B3GALT1: variants seen among roughly 807,000 people sequenced by gnomAD.
The protein encoded by B3GALT1 is UDP-Gal:betaGlcNAc beta 1,3-galactosyltransferase, polypeptide 1.
In B3GALT1, 10 loss-of-function variants were observed where a neutral mutation model predicts 23.2. The ratio of observed to expected loss-of-function variants is 0.43; its 90% CI spans 0.27 to 0.73. The LOEUF (loss-of-function observed/expected upper bound fraction) is 0.73. Ranked by LOEUF, B3GALT1 falls within the 30% of genes least tolerant of loss-of-function variation. The probability of loss-of-function intolerance (pLI) is 0.21; values close to 1 mark genes in which losing one functional copy is unlikely to be tolerated. For missense variants in B3GALT1, 299 were observed against 405.4 expected, an observed-to-expected ratio of 0.74 and a Z score of 2.25; for synonymous variants, 156 against 141.5, an observed-to-expected ratio of 1.10 and a Z score of -0.73.
rs567362618 is a variant in B3GALT1 at position 167,564,990 on chromosome 2, T to G, written c.-410+74713T>G. Among the ~76,000 whole-genome samples, 504 of 152,218 alleles carry G rather than the reference T, an allele frequency of 3.3e-3. 2 individuals are homozygous for G. Among genetic ancestry groups the G allele is most frequent in the Non-Finnish European group, 3.6e-3 (247 of 68,006 alleles). On this transcript the variant is annotated intron_variant, in intron 2 of 4. Coordinates refer to ENST00000392690, the MANE Select transcript of B3GALT1 (RefSeq NM_020981.4). ...CAAGCTACCAATGACTTTCTTCACA[T>G]AATTGGAAAAAACTACTTTAAATTT...
intron 1 of B3GALT1, among the ~76,000 whole-genome samples, chr2:167,400,222 G>A (rs1347009846): frequency 6.7e-6 from 1 of 150,326 alleles, no homozygotes; most frequent in Admixed American, 6.6e-5. Context: ...GTTAGAACAG[G>A]CCTTTCCTCA....
chr2:167,771,311 C>T (rs1463095114), intron 3 of B3GALT1, among the ~76,000 whole-genome samples: 2 of 152,216 alleles, frequency 1.3e-5, no homozygotes, highest in South Asian at 2.1e-4. Flanking sequence ...TCAAGTAGGC[C>T]GTGTGCAGTG....
intron 3 of B3GALT1, among the ~76,000 whole-genome samples, chr2:167,670,892 T>G (rs1163975667): frequency 1.3e-5 from 2 of 152,046 alleles, no homozygotes; most frequent in African/African-American, 4.8e-5. Flanking sequence ...CTTCTGCGAT[T>G]TTAGGACACC....
At chr2:167,799,435 T>C (rs1688600241) in intron 3 of B3GALT1, among the ~76,000 whole-genome samples, 1 of 152,172 alleles carries the variant, frequency 6.6e-6, no homozygotes, top group South Asian at 2.1e-4. Flanking sequence ...GTGAGAACAT[T>C]GCAGTAGGAC....
At chr2:167,531,056 T>A (rs2105367771) in intron 2 of B3GALT1, among the ~76,000 whole-genome samples, 1 of 152,362 alleles carries the variant, frequency 6.6e-6, no homozygotes, top group South Asian at 2.1e-4. Context: ...TCCATTTAAC[T>A]ATTTTTGTTA....
chr2:167,800,447 TCACAAC>T (rs1688620518), intron 3 of B3GALT1, among the ~76,000 whole-genome samples: 1 of 152,268 alleles, frequency 6.6e-6, no homozygotes, highest in South Asian at 2.1e-4. Flanking sequence ...TCTACCCTGT[TCACAAC>T]CTTCCCCTGA....
intron 3 of B3GALT1, among the ~76,000 whole-genome samples, chr2:167,777,301 A>T (rs1435366076): frequency 6.6e-6 from 1 of 152,238 alleles, no homozygotes; most frequent in Non-Finnish European, 1.5e-5. Context: ...ATGAAGCATC[A>T]TAGTCTACCA....
intron 1 of B3GALT1, among the ~76,000 whole-genome samples, chr2:167,469,402 T>G (rs1699393255): frequency 6.6e-6 from 1 of 152,232 alleles, no homozygotes; most frequent in Admixed American, 6.5e-5. Flanking sequence ...TGGTATGCAT[T>G]CATTTAGTAA....
chr2:167,577,116 T>C (rs969718061), intron 2 of B3GALT1, among the ~76,000 whole-genome samples: 3 of 151,808 alleles, frequency 2.0e-5, no homozygotes, highest in Non-Finnish European at 4.4e-5. Context: ...ATATTAGCAG[T>C]TGGTGAAACT....
At chr2:167,800,187 TC>T in intron 3 of B3GALT1, among the ~76,000 whole-genome samples, 1 of 152,314 alleles carries the variant, frequency 6.6e-6, no homozygotes, top group South Asian at 2.1e-4. Context: ...ATTAAACTTT[TC>T]CCATCATTTT....
intron 1 of B3GALT1, among the ~76,000 whole-genome samples, chr2:167,471,259 G>A (rs1417953364): frequency 1.3e-5 from 2 of 152,070 alleles, no homozygotes; most frequent in Non-Finnish European, 2.9e-5. Flanking sequence ...ATCGACACTT[G>A]ATTCATTTGT....
intron 3 of B3GALT1, among the ~76,000 whole-genome samples, chr2:167,702,184 C>T (rs1686891057): frequency 6.6e-6 from 1 of 152,162 alleles, no homozygotes; most frequent in South Asian, 2.1e-4. Flanking sequence ...ACTCAGTATC[C>T]CAACATGCCA....
At chr2:167,723,290 A>T (rs1020057462) in intron 3 of B3GALT1, among the ~76,000 whole-genome samples, 19 of 152,224 alleles carry the variant, frequency 1.2e-4, no homozygotes, top group African/African-American at 4.6e-4. Context: ...GTGATTATTG[A>T]TGCAGTCTTC....
chr2:167,563,349 G>GC (rs1392023616), intron 2 of B3GALT1, among the ~76,000 whole-genome samples: 2 of 143,766 alleles, frequency 1.4e-5, no homozygotes, highest in Non-Finnish European at 3.0e-5. Flanking sequence ...GGCTGGCCGG[G>GC]CGGGGGGCTG....
chr2:167,842,781 G>A (rs1448995174), intron 4 of B3GALT1, among the ~76,000 whole-genome samples: 1 of 152,096 alleles, frequency 6.6e-6, no homozygotes, highest in East Asian at 1.9e-4. Context: ...GGCTGAGGCG[G>A]GAGGATTACT....
chr2:167,804,839 C>A (rs1264267717), intron 3 of B3GALT1, among the ~76,000 whole-genome samples: 1 of 152,144 alleles, frequency 6.6e-6, no homozygotes, highest in East Asian at 1.9e-4. Context: ...TGGGTATATA[C>A]CCAGTAATGG....
At chr2:167,342,349 A>T (rs919944402) in intron 1 of B3GALT1, among the ~76,000 whole-genome samples, 15 of 152,176 alleles carry the variant, frequency 9.9e-5, no homozygotes, top group African/African-American at 3.6e-4. Context: ...GCACTTTGGG[A>T]TGCAGAGGTG....
At chr2:167,583,421 CCT>C (rs922677669) in intron 2 of B3GALT1, among the ~76,000 whole-genome samples, 1 of 151,914 alleles carries the variant, frequency 6.6e-6, no homozygotes, top group African/African-American at 2.4e-5. Context: ...ATTTTTTCTC[CCT>C]CTCTCCCTTT....
chr2:167,340,646 T>C (rs1697133775), intron 1 of B3GALT1, among the ~76,000 whole-genome samples: 1 of 152,222 alleles, frequency 6.6e-6, no homozygotes, highest in African/African-American at 2.4e-5. Context: ...GTAACTCTTT[T>C]CATGGCTCCT....
Sources: allele counts gnomAD v4.1 joint callset (sites outside exome capture counted in the v4.1 genomes callset), GRCh38; gene constraint gnomAD v4.1.1; transcripts MANE v1.5; gene names NCBI Gene and HGNC (gene_info 2026-07-23, HGNC 2026-07-21).